Variants in PALMD observed in about 807,000 individuals in gnomAD.
The protein encoded by PALMD is palmdelphin.
A neutral mutation model predicts 56.2 loss-of-function variants in PALMD; 42 were observed. That is an observed-to-expected ratio of 0.75 (90% confidence interval 0.58 to 0.97). The LOEUF (loss-of-function observed/expected upper bound fraction) is 0.97, where lower values mean the gene tolerates loss of function less well. Among genes scored for constraint, PALMD ranks in the 50% least tolerant of loss-of-function variants. The pLI is 0.00. For missense variants in PALMD, 660 were observed against 643.8 expected, an observed-to-expected ratio of 1.03 and a Z score of -0.27; for synonymous variants, 242 against 222.9, an observed-to-expected ratio of 1.09 and a Z score of -0.76.
At chr1:99,659,157 A>T (rs1652792219) in intron 1 of PALMD, among the ~76,000 whole-genome samples, 1 of 152,218 alleles carries the variant, frequency 6.6e-6, no homozygotes, top group Non-Finnish European at 1.5e-5. Flanking sequence ...TAACTAAAAT[A>T]CTTACTTATA....
chr1:99,691,018 T>C (rs1027104887), intron 7 of PALMD, among the ~76,000 whole-genome samples: 1 of 152,162 alleles, frequency 6.6e-6, no homozygotes, highest in Admixed American at 6.6e-5. Flanking sequence ...ATCCCAATGA[T>C]AAATTTAATT....
intron 1 of PALMD, among the ~76,000 whole-genome samples, chr1:99,652,840 A>G (rs1376167719): frequency 6.6e-6 from 1 of 152,138 alleles, no homozygotes; most frequent in Non-Finnish European, 1.5e-5. Context: ...GCTTAACCAC[A>G]TTTTCTAACC....
intron 7 of PALMD, among the ~76,000 whole-genome samples, chr1:99,691,918 G>T (rs769000564): frequency 6.6e-6 from 1 of 152,118 alleles, no homozygotes; most frequent in Non-Finnish European, 1.5e-5. Flanking sequence ...GGAAAACAGC[G>T]TGAAGAAGAA....
In PALMD at chr1:99,689,453, A is replaced by G; in HGVS notation, c.1193A>G (p.Asn398Ser). 6.2e-7 allele frequency: 1 copy of G among 1,613,730 alleles called. No individual in the cohort carries two copies. Among genetic ancestry groups the G allele is most frequent in the Non-Finnish European group, 8.5e-7 (1 of 1,179,802 alleles). ...GAGGACGAGGAAGATGTCAGATATA[A>G]TATCGTTCATTCCCTGCCTCCAGAC... ...CQEDEEDVRY[N>S]IVHSLPPDIN... is the part of the protein sequence containing the mutation. Residue 398 changes from asparagine to serine, a missense_variant, in exon 7 of 8, where the codon AAT becomes AGT. Asn to Ser is a conservative substitution (Grantham distance 46). Coordinates refer to ENST00000263174, the MANE Select transcript of PALMD (RefSeq NM_017734.5).
chr1:99,682,782 G>T (rs933766488), intron 3 of PALMD, among the ~76,000 whole-genome samples: 2 of 151,906 alleles, frequency 1.3e-5, no homozygotes, highest in African/African-American at 4.8e-5. Flanking sequence ...GAGGCAAGCA[G>T]ATCACTTGAG....
intron 1 of PALMD, among the ~76,000 whole-genome samples, chr1:99,660,144 C>G (rs1221837804): frequency 6.6e-6 from 1 of 152,202 alleles, no homozygotes; most frequent in Admixed American, 6.5e-5. Flanking sequence ...AAAATGTGCT[C>G]CCTGCTAATG....
intron 3 of PALMD, 45 bp downstream of exon 3, chr1:99,667,811 T>C (rs1195694372): frequency 1.3e-6 from 2 of 1,569,954 alleles, no homozygotes; most frequent in Non-Finnish European, 1.8e-6. Context: ...TTATTTTGAC[T>C]TTATCCCATG....
chr1:99,689,006 G>A lies in PALMD; in HGVS notation c.746G>A (p.Arg249Lys). ...VEELLRQASE[R>K]NSKSPTEYHE... is the part of the protein sequence containing the mutation. ...GAACTTCTAAGACAAGCCTCAGAGAGAAACTCTAAATCCCCAACAGAGTAT... is the reference window on the plus strand; with the variant it reads ...GAACTTCTAAGACAAGCCTCAGAGAAAAACTCTAAATCCCCAACAGAGTAT... Residue 249 changes from arginine (R) to lysine (K), a missense_variant, in exon 7 of 8, where the codon AGA becomes AAA. Arg to Lys is a conservative substitution (Grantham distance 26). Coordinates refer to ENST00000263174, the MANE Select transcript of PALMD (RefSeq NM_017734.5). 1 of 1,613,804 alleles carries A rather than the reference G, an allele frequency of 6.2e-7. No individual in the cohort carries two copies. Among genetic ancestry groups the A allele is most frequent in the Non-Finnish European group, 8.5e-7 (1 of 1,179,822 alleles).
rs746247664 is a variant in PALMD, at chr1:99,689,890, G to C, written c.1612+18G>C. 7 of 1,570,578 alleles carry C rather than the reference G, an allele frequency of 4.5e-6. No individual in the cohort carries two copies. In the South Asian group the frequency reaches 8.4e-5, roughly 19 times the overall value. ...CTTAACAGGTAATAAAAATGACAAG[G>C]CATGCCACTGCTGTTCAGTCATGTG... On this transcript the variant is annotated intron_variant, in intron 7 of 7. Coordinates refer to ENST00000263174, the MANE Select transcript of PALMD (RefSeq NM_017734.5).
intron 3 of PALMD, among the ~76,000 whole-genome samples, chr1:99,678,869 T>C (rs749829429): frequency 1.4e-4 from 21 of 151,972 alleles, no homozygotes; most frequent in Non-Finnish European, 2.8e-4. Context: ...CTCACACCTG[T>C]AATCCCAGCT....
At chr1:99,689,951 AG>A in intron 7 of PALMD, 79 bp downstream of exon 7, 1 of 1,383,982 alleles carries the variant, frequency 7.2e-7, no homozygotes, top group Non-Finnish European at 9.7e-7. Flanking sequence ...TCTTGCTTTC[AG>A]GCTTCTCTGA....
rs1011795197 is a variant in PALMD, at chr1:99,671,772, A to T, written c.251+4006A>T. Among the ~76,000 whole-genome samples, 11 of 152,262 alleles carry T rather than the reference A, an allele frequency of 7.2e-5. No homozygotes were observed. The East Asian group carries it at 1.9e-3, about 27-fold the overall frequency. On this transcript the variant is annotated intron_variant, in intron 3 of 7. Coordinates refer to ENST00000263174, the MANE Select transcript of PALMD (RefSeq NM_017734.5). Reference sequence around the variant, plus strand: ...TTGTGCTAAACATTTCATGTACATTATTTCATTGAGTTCTCACAACTACCC... The same window carrying T: ...TTGTGCTAAACATTTCATGTACATTTTTTCATTGAGTTCTCACAACTACCC...
chr1:99,676,385 A>T (rs977234698), intron 3 of PALMD, among the ~76,000 whole-genome samples: 1 of 152,138 alleles, frequency 6.6e-6, no homozygotes, highest in African/African-American at 2.4e-5. Context: ...CTTTTTTGAT[A>T]CGCACTTTTT....
At chr1:99,677,361 G>A (rs1653239149) in intron 3 of PALMD, among the ~76,000 whole-genome samples, 1 of 152,062 alleles carries the variant, frequency 6.6e-6, no homozygotes, top group Non-Finnish European at 1.5e-5. Flanking sequence ...CTCAAGAGCA[G>A]TGCCTTAAAT....
At chr1:99,677,607 T>C (rs6577118) in intron 3 of PALMD, among the ~76,000 whole-genome samples, 149,895 of 152,266 alleles carry the variant, frequency 0.98, 73,799 homozygotes, top group East Asian at 1. Context: ...TCAATTTTAA[T>C]GGCATGACCT....
intron 3 of PALMD, among the ~76,000 whole-genome samples, chr1:99,673,302 C>T (rs924122604): frequency 6.6e-6 from 1 of 152,150 alleles, no homozygotes; most frequent in Non-Finnish European, 1.5e-5. Context: ...CTACTTAATG[C>T]TTTTAACTAC....
chr1:99,684,909 C>T (rs1213677746), intron 3 of PALMD: 1 of 152,218 alleles, frequency 6.6e-6, no homozygotes, highest in Non-Finnish European at 1.5e-5. Context: ...CCACCTGATT[C>T]CACAGCTAGG....
intron 3 of PALMD, among the ~76,000 whole-genome samples, chr1:99,678,506 T>C (rs751183829): frequency 5.9e-5 from 9 of 152,162 alleles, no homozygotes; most frequent in Admixed American, 2.6e-4. Context: ...CTTTAGTGAA[T>C]ACTACTATTA....
chr1:99,650,415 CATGGAGTTCTTT>C (rs537997726), intron 1 of PALMD, among the ~76,000 whole-genome samples: 114 of 149,876 alleles, frequency 7.6e-4, no homozygotes, highest in African/African-American at 2.7e-3. Flanking sequence ...ATTTAAGAGA[CATGGAGTTCTTT>C]ACATAAAACA....
Sources: gnomAD v4.1 joint callset for allele counts (sites outside exome capture counted in the v4.1 genomes callset) on GRCh38, gnomAD v4.1.1 for gene constraint, MANE v1.5 for transcripts, NCBI Gene and HGNC (gene_info 2026-07-23, HGNC 2026-07-21) for gene names.